PCDH15: variants seen among roughly 807,000 people sequenced by gnomAD.
PCDH15 encodes the protein protocadherin related 15.
PCDH15 carries 129 observed loss-of-function variants against 178.5 expected under a neutral mutation model. The observed-to-expected ratio is 0.72, with a 90% confidence interval of 0.63 to 0.84. PCDH15 has a LOEUF of 0.84. Ranked by LOEUF, PCDH15 falls within the 40% of genes least tolerant of loss-of-function variation. The pLI is 0.00. For missense variants in PCDH15, 2,230 were observed against 2,099.9 expected, an observed-to-expected ratio of 1.06 and a Z score of -1.21; for synonymous variants, 800 against 732.0, an observed-to-expected ratio of 1.09 and a Z score of -1.50.
intron 2 of PCDH15, among the ~76,000 whole-genome samples, chr10:54,913,948 A>G (rs938515132): frequency 6.6e-6 from 1 of 152,060 alleles, no homozygotes; most frequent in Admixed American, 6.5e-5. Flanking sequence ...AGAACTAACT[A>G]TCTTGTTTTT....
At chr10:55,418,307 A>G (rs558081113) in intron 2 of PCDH15, among the ~76,000 whole-genome samples, 3 of 151,784 alleles carry the variant, frequency 2.0e-5, no homozygotes, top group Non-Finnish European at 4.4e-5. Context: ...TCTGAAAATA[A>G]AAGTGCTGCT....
intron 2 of PCDH15, among the ~76,000 whole-genome samples, chr10:54,566,529 G>A (rs974995562): frequency 1.3e-5 from 2 of 152,058 alleles, no homozygotes; most frequent in African/African-American, 4.8e-5. Flanking sequence ...ACAATCACTG[G>A]TGTTTTCACT....
intron 2 of PCDH15, among the ~76,000 whole-genome samples, chr10:55,107,009 C>T (rs1205904429): frequency 6.6e-6 from 1 of 152,182 alleles, no homozygotes; most frequent in African/African-American, 2.4e-5. Context: ...AGACTAATTT[C>T]TTTTCAACAT....
intron 14 of PCDH15, among the ~76,000 whole-genome samples, chr10:54,144,778 C>G (rs960533490): frequency 6.6e-6 from 1 of 151,976 alleles, no homozygotes; most frequent in Admixed American, 6.6e-5. Flanking sequence ...ATTTAAGTCT[C>G]ATTTTACAAA....
intron 2 of PCDH15, among the ~76,000 whole-genome samples, chr10:55,616,815 G>T (rs1449202037): frequency 2.0e-5 from 3 of 152,050 alleles, no homozygotes; most frequent in Middle Eastern, 3.2e-3. Context: ...GAGTATGGTG[G>T]TTACTTCTAG....
intron 2 of PCDH15, among the ~76,000 whole-genome samples, chr10:54,539,785 A>G (rs941857366): frequency 6.6e-6 from 1 of 152,208 alleles, no homozygotes; most frequent in Non-Finnish European, 1.5e-5. Flanking sequence ...CAAGTCTCAA[A>G]GAAATCAAAG....
At chr10:55,469,553 T>C (rs1404929419) in intron 2 of PCDH15, among the ~76,000 whole-genome samples, 1 of 152,104 alleles carries the variant, frequency 6.6e-6, no homozygotes, top group Non-Finnish European at 1.5e-5. Context: ...TTGAATATTA[T>C]TGAATATTGC....
At chr10:54,750,246 C>G (rs1006768933) in intron 1 of PCDH15, among the ~76,000 whole-genome samples, 9 of 151,770 alleles carry the variant, frequency 5.9e-5, no homozygotes, top group African/African-American at 2.2e-4. Context: ...GTTTATGTGA[C>G]ATTGTTTATC....
intron 2 of PCDH15, among the ~76,000 whole-genome samples, chr10:54,535,801 G>T (rs1486052925): frequency 6.6e-6 from 1 of 151,456 alleles, no homozygotes; most frequent in African/African-American, 2.4e-5. Context: ...GTAGAAGGCT[G>T]CTCCAAAGAT....
intron 3 of PCDH15, among the ~76,000 whole-genome samples, chr10:54,391,769 C>T (rs1950571480): frequency 2.0e-5 from 3 of 152,134 alleles, no homozygotes; most frequent in Admixed American, 2.0e-4. Context: ...TCAGATGGCT[C>T]AGGAGCCTTC....
rs78285375 is a variant in PCDH15 at position 55,546,752 on chromosome 10, T to C, written c.-156+80873A>G. On this transcript the variant is annotated intron_variant, in intron 2 of 5. Transcript: ENST00000613346. ...TGTCTATTTTTACTGATAGCCTTACTTGAACTCCCATCTTGTTCTCGAAAT... is the reference window on the plus strand; with the variant it reads ...TGTCTATTTTTACTGATAGCCTTACCTGAACTCCCATCTTGTTCTCGAAAT... Among the ~76,000 whole-genome samples, 705 of 152,272 alleles carry C rather than the reference T, an allele frequency of 4.6e-3. 6 individuals are homozygous for C. The highest frequency in any genetic ancestry group is 0.016 in the African/African-American group (672 of 41,566).
chr10:55,325,002 T>C (rs901970362), intron 2 of PCDH15, among the ~76,000 whole-genome samples: 7 of 152,086 alleles, frequency 4.6e-5, no homozygotes, highest in African/African-American at 1.7e-4. Context: ...TACATAGGAA[T>C]ACAGCTAATC....
intron 8 of PCDH15, among the ~76,000 whole-genome samples, chr10:54,303,260 T>C (rs1228128456): frequency 1.3e-5 from 2 of 152,066 alleles, no homozygotes; most frequent in African/African-American, 4.8e-5. Context: ...TATGCATTTT[T>C]TTTTCTAAAA....
chr10:55,218,449 A>AT (rs1840771308), intron 1 of PCDH15, among the ~76,000 whole-genome samples: 1 of 151,934 alleles, frequency 6.6e-6, no homozygotes, highest in Admixed American at 6.6e-5. Context: ...TCACATTATT[A>AT]TTTTTTGCCA....
At chr10:55,169,123 C>A (rs1254440920) in intron 1 of PCDH15, among the ~76,000 whole-genome samples, 1 of 151,968 alleles carries the variant, frequency 6.6e-6, no homozygotes, top group Non-Finnish European at 1.5e-5. Flanking sequence ...ACATTTTTAA[C>A]CGCTCTTAAC....
At chr10:55,210,861 C>G (rs1203195973) in intron 1 of PCDH15, among the ~76,000 whole-genome samples, 1 of 151,568 alleles carries the variant, frequency 6.6e-6, no homozygotes. Context: ...CTCTTTACCT[C>G]GTGATACGCC....
intron 2 of PCDH15, among the ~76,000 whole-genome samples, chr10:55,066,436 T>C (rs915563657): frequency 6.6e-6 from 1 of 151,006 alleles, no homozygotes; most frequent in African/African-American, 2.4e-5. Context: ...GGATTGTTAA[T>C]TTGATATGCA....
At chr10:55,582,830 G>A (rs1029152187) in intron 2 of PCDH15, among the ~76,000 whole-genome samples, 2 of 151,472 alleles carry the variant, frequency 1.3e-5, no homozygotes, top group Non-Finnish European at 2.9e-5. Context: ...AAGAGTTATT[G>A]ATGAATATTT....
At chr10:55,291,298 C>A (rs1446213861) in intron 1 of PCDH15, among the ~76,000 whole-genome samples, 1 of 152,156 alleles carries the variant, frequency 6.6e-6, no homozygotes, top group African/African-American at 2.4e-5. Context: ...CCAAACATTT[C>A]ATCTCTGGTT....
Sources: allele counts gnomAD v4.1 joint callset (sites outside exome capture counted in the v4.1 genomes callset), GRCh38; gene constraint gnomAD v4.1.1; transcripts MANE v1.5; gene names NCBI Gene and HGNC (gene_info 2026-07-23, HGNC 2026-07-21).